The following CATSPERT variants were observed in gnomAD, a reference collection of about 807,000 sequenced individuals.
CATSPERT encodes catsper channel auxiliary subunit tau, also known as cation channel sperm-associated targeting subunit tau.
At chr2:201,546,031 C>T in the CATSPERT span, among the ~76,000 whole-genome samples, 6 of 152,162 alleles carry the variant, frequency 3.9e-5, no homozygotes, top group Non-Finnish European at 8.8e-5. Context: ...TGTCTCTTTA[C>T]AAAATTCCAA....
At chr2:201,546,909 G>A in the CATSPERT span, among the ~76,000 whole-genome samples, 1 of 152,100 alleles carries the variant, frequency 6.6e-6, no homozygotes, top group African/African-American at 2.4e-5. Context: ...TAAACAAAAT[G>A]TGGCATATCC....
At chr2:201,601,750 A>T in the CATSPERT span, 18 of 1,611,332 alleles carry the variant, frequency 1.1e-5, no homozygotes, top group Non-Finnish European at 1.4e-5. Flanking sequence ...TGTACAGAAA[A>T]ATACTTCACT....
the CATSPERT span, chr2:201,557,066 A>AT: frequency 5.9e-5 from 9 of 152,246 alleles, no homozygotes; most frequent in East Asian, 1.7e-3. Context: ...AGGCCAAGAA[A>AT]TAACCCAAGT....
the CATSPERT span, among the ~76,000 whole-genome samples, chr2:201,617,209 T>A: frequency 6.6e-6 from 1 of 152,244 alleles, no homozygotes; most frequent in South Asian, 2.1e-4. Flanking sequence ...AAAAAATACT[T>A]TAAAGTTCAT....
At chr2:201,549,110 T>C in the CATSPERT span, among the ~76,000 whole-genome samples, 1 of 152,156 alleles carries the variant, frequency 6.6e-6, no homozygotes, top group Non-Finnish European at 1.5e-5. Flanking sequence ...GGCAAATTAA[T>C]GTCACATAAA....
chr2:201,548,484 T>C, the CATSPERT span, among the ~76,000 whole-genome samples: 1 of 152,040 alleles, frequency 6.6e-6, no homozygotes, highest in African/African-American at 2.4e-5. Context: ...TTTTAACATA[T>C]GAATTTGAAG....
the CATSPERT span, among the ~76,000 whole-genome samples, chr2:201,599,029 C>T: frequency 1.3e-5 from 2 of 152,092 alleles, no homozygotes; most frequent in Non-Finnish European, 2.9e-5. Context: ...TCCTGGCTTG[C>T]CTTTCCCTCA....
chr2:201,593,712 G>T, the CATSPERT span, among the ~76,000 whole-genome samples: 1 of 150,844 alleles, frequency 6.6e-6, no homozygotes, highest in African/African-American at 2.4e-5. Context: ...TTGTTGAATT[G>T]ATCCCTTTAC....
At chr2:201,564,508 C>T in the CATSPERT span, among the ~76,000 whole-genome samples, 1 of 152,120 alleles carries the variant, frequency 6.6e-6, no homozygotes, top group East Asian at 1.9e-4. Context: ...TTTAAAATAG[C>T]AATGATTGCT....
chr2:201,582,308 G>A, the CATSPERT span: 2 of 1,204,366 alleles, frequency 1.7e-6, no homozygotes, highest in Non-Finnish European at 1.1e-6. Flanking sequence ...ACTATATTAT[G>A]CAAATATTAT....
chr2:201,560,207 C>G, the CATSPERT span, among the ~76,000 whole-genome samples: 1 of 152,174 alleles, frequency 6.6e-6, no homozygotes, highest in African/African-American at 2.4e-5. Context: ...GTGAGTGGAT[C>G]ATTTGAGATC....
At chr2:201,596,395 G>C in the CATSPERT span, among the ~76,000 whole-genome samples, 2 of 152,146 alleles carry the variant, frequency 1.3e-5, no homozygotes, top group Admixed American at 6.5e-5. Flanking sequence ...TGGACACATA[G>C]AGGGGAACAA....
the CATSPERT span, among the ~76,000 whole-genome samples, chr2:201,543,978 A>T: frequency 6.6e-6 from 1 of 152,084 alleles, no homozygotes; most frequent in Non-Finnish European, 1.5e-5. Flanking sequence ...CATTTACATT[A>T]GGTATATCAC....
the CATSPERT span, among the ~76,000 whole-genome samples, chr2:201,575,908 T>A: frequency 6.6e-6 from 1 of 152,160 alleles, no homozygotes. Flanking sequence ...CCAAAAAGAT[T>A]GGGGACCAAT....
chr2:201,577,584 G>A, the CATSPERT span, among the ~76,000 whole-genome samples: 1 of 152,314 alleles, frequency 6.6e-6, no homozygotes, highest in East Asian at 1.9e-4. Context: ...TCTGTCATTT[G>A]TGACATGGAT....
chr2:201,595,194 T>C, the CATSPERT span, among the ~76,000 whole-genome samples: 2 of 145,510 alleles, frequency 1.4e-5, no homozygotes, highest in Non-Finnish European at 3.0e-5. Context: ...TTTCCTTCTT[T>C]TTTTTTTTTT....
At chr2:201,521,110 C>G in the CATSPERT span, among the ~76,000 whole-genome samples, 1 of 152,006 alleles carries the variant, frequency 6.6e-6, no homozygotes, top group African/African-American at 2.4e-5. Context: ...AGTAATAAAA[C>G]ATCTCCTAAC....
At chr2:201,613,176 C>A in the CATSPERT span, among the ~76,000 whole-genome samples, 2 of 152,240 alleles carry the variant, frequency 1.3e-5, no homozygotes, top group African/African-American at 4.8e-5. Context: ...ACTTAAACAT[C>A]CCTGTCTGAC....
the CATSPERT span, among the ~76,000 whole-genome samples, chr2:201,521,706 G>C: frequency 6.6e-6 from 1 of 152,042 alleles, no homozygotes; most frequent in Non-Finnish European, 1.5e-5. Flanking sequence ...AAAAAAGAAA[G>C]AAAACTACAG....
Sources: gnomAD v4.1 joint callset for allele counts (sites outside exome capture counted in the v4.1 genomes callset) on GRCh38, gnomAD v4.1.1 for gene constraint, MANE v1.5 for transcripts, NCBI Gene and HGNC (gene_info 2026-07-23, HGNC 2026-07-21) for gene names.